THOC2: variants seen among roughly 807,000 people sequenced by gnomAD.
THOC2 encodes THO complex subunit 2.
In THOC2, 10 loss-of-function variants were observed where a neutral mutation model predicts 128.4. The observed-to-expected ratio is 0.08, with a 90% confidence interval of 0.05 to 0.13. The LOEUF (loss-of-function observed/expected upper bound fraction) is 0.13. Ranked by LOEUF, THOC2 falls within the 10% of genes least tolerant of loss-of-function variation. The probability of loss-of-function intolerance (pLI) is 1.00; values close to 1 mark genes in which losing one functional copy is unlikely to be tolerated. For synonymous variants in THOC2, 393 were observed against 396.9 expected, an observed-to-expected ratio of 0.99 and a Z score of 0.12; for missense variants, 535 against 1,155.7, an observed-to-expected ratio of 0.46 and a Z score of 7.79.
rs143576799 is a variant in THOC2 at position 123,713,563 on chromosome X, T to C, written c.72-655A>G. Among the ~76,000 whole-genome samples, 571 of 110,204 alleles carry C rather than the reference T, an allele frequency of 5.2e-3. 3 individuals are homozygous for C. Among genetic ancestry groups the C allele is most frequent in the African/African-American group, 0.017 (510 of 30,452 alleles). ...CAGATTCTGATGAAAGAAAACACCA[T>C]GTAGGCTGGGCATGGTGGCTTACGC... On this transcript the variant is annotated intron_variant, in intron 1 of 38. Coordinates refer to ENST00000245838, the MANE Select transcript of THOC2 (RefSeq NM_001081550.2).
intron 38 of THOC2, among the ~76,000 whole-genome samples, chrX:123,609,178 G>A (rs767172133): frequency 1.5e-4 from 17 of 112,140 alleles, no homozygotes; most frequent in South Asian, 1.1e-3. Context: ...ACATGTGACA[G>A]CAAAATGCCA....
rs766947870 is a variant in THOC2 at position 123,667,289 on chromosome X, A to G, written c.1018-11T>C. The G allele has an allele frequency of 1.4e-5, 17 of 1,177,904 alleles. No individual in the cohort carries two copies. The South Asian group carries it at 2.7e-4, about 18-fold the overall frequency. ...TTGGTTATCAGGTGGCTAAAAATGA[A>G]TAGTCAAAACTAAGATACTCAGGAT... is the stretch of plus-strand genomic sequence containing the variant. On this transcript the variant is annotated splice_polypyrimidine_tract_variant and intron_variant, in intron 10 of 38. Transcript: ENST00000245838.
Position 123,627,822 on chromosome X carries a change from G to A in THOC2, c.2628C>T (p.Ile876=). The A allele has an allele frequency of 1.7e-6, 2 of 1,211,843 alleles. No individual in the cohort carries two copies. The highest frequency in any genetic ancestry group is 2.2e-6 in the Non-Finnish European group (2 of 895,502). Residue 876 remains isoleucine (I), a synonymous_variant, in exon 23 of 39, where the codon ATC becomes ATT. Coordinates refer to ENST00000245838, the MANE Select transcript of THOC2 (RefSeq NM_001081550.2). ...SLHVSKVWDD[I]SPQFYATFWS... ...AGAATGTAGCATAGAATTGAGGGCT[G>A]ATGTCATCCCAGACTTTGGAAACAT...
chrX:123,605,883 G>A (rs182679564), intron 38 of THOC2, among the ~76,000 whole-genome samples: 59 of 111,062 alleles, frequency 5.3e-4, no homozygotes, highest in Non-Finnish European at 9.2e-4. Context: ...GGCCAAGAAC[G>A]TGATGAAAAC....
In THOC2 at chrX:123,627,813, T is replaced by C. The variant is rs759496559; in HGVS notation, c.2637A>G (p.Gln879=). The C allele has an allele frequency of 6.6e-6, 8 of 1,210,034 alleles. No individual in the cohort carries two copies. Among genetic ancestry groups the C allele is most frequent in the Non-Finnish European group, 8.9e-6 (8 of 895,277 alleles). The change falls in exon 23 of 39, where the codon CAA becomes CAG. Residue 879 remains glutamine, a synonymous_variant. Transcript: ENST00000245838. ...TCAATGACCAGAATGTAGCATAGAA[T>C]TGAGGGCTGATGTCATCCCAGACTT... ...VSKVWDDISP[Q]FYATFWSLTM...
At chrX:123,724,862 G>A (rs765347650) in intron 1 of THOC2, among the ~76,000 whole-genome samples, 2 of 111,127 alleles carry the variant, frequency 1.8e-5, no homozygotes, top group Non-Finnish European at 3.8e-5. Context: ...AATATCACCT[G>A]AGCTCAGGAG....
At chrX:123,686,510 C>CA (rs780816806) in intron 8 of THOC2, 38 bp downstream of exon 8, 25 of 1,042,787 alleles carry the variant, frequency 2.4e-5, no homozygotes, top group Non-Finnish European at 3.2e-5. Flanking sequence ...ATTAAGAAAT[C>CA]AATCTCTAAA....
chrX:123,685,891 T>C (rs2049981834), intron 8 of THOC2, among the ~76,000 whole-genome samples: 1 of 111,449 alleles, frequency 9.0e-6, no homozygotes, highest in South Asian at 3.8e-4. Context: ...ATAGCCATTG[T>C]TTATAAAACA....
intron 5 of THOC2, 49 bp from the exon 6 acceptor site, chrX:123,696,891 C>T (rs773520623): frequency 2.0e-6 from 2 of 1,003,378 alleles, no homozygotes; most frequent in South Asian, 5.4e-5. Context: ...ATTGCATCCA[C>T]AATGTTAAAT....
chrX:123,702,842 A>T (rs1195150957), intron 4 of THOC2, among the ~76,000 whole-genome samples: 1 of 109,720 alleles, frequency 9.1e-6, no homozygotes, highest in Non-Finnish European at 1.9e-5. Context: ...CTAGATCTAA[A>T]ATTAGAGAAA....
chrX:123,608,379 C>T (rs1417980613), intron 38 of THOC2, among the ~76,000 whole-genome samples: 3 of 106,336 alleles, frequency 2.8e-5, no homozygotes, highest in African/African-American at 1.0e-4. Flanking sequence ...CCAGCCTGGG[C>T]GACAGAGTGA....
At chrX:123,668,419 T>C (rs765185301) in intron 9 of THOC2, 105 bp from the exon 10 acceptor site, 57 of 503,097 alleles carry the variant, frequency 1.1e-4, no homozygotes, top group Non-Finnish European at 1.6e-4. Context: ...ATAAGAAGTC[T>C]AACTTATTCG....
Position 123,684,528 on chromosome X carries a change from T to C in THOC2, c.768+2020A>G, listed in dbSNP as rs985348508. On this transcript the variant is annotated intron_variant, in intron 8 of 38. Coordinates refer to ENST00000245838, the MANE Select transcript of THOC2 (RefSeq NM_001081550.2). ...CCTCCCGAGTAGTGGGGATTACAGG[T>C]GCCCGCCACCACGCCTGGCTAATTT... Among the ~76,000 whole-genome samples, 4 of 111,274 alleles carry C rather than the reference T, an allele frequency of 3.6e-5. No homozygotes were observed. The East Asian group carries it at 1.1e-3, about 31-fold the overall frequency.
Position 123,644,839 on chromosome X carries a change from C to T in THOC2, c.1499G>A (p.Cys500Tyr). ...VLLPSLSLMDCNACMSEELWG... is the reference protein window; with the variant it reads ...VLLPSLSLMDYNACMSEELWG... The stretch of plus-strand genomic sequence containing the variant: ...TAGTTCCTCAGACATACAAGCATTG[C>T]AGTCCATCAAAGAAAGAGATGGAAG... The change falls in exon 14 of 39, where the codon TGC becomes TAC. Residue 500 changes from cysteine to tyrosine, a missense_variant. Around this residue, in one of 9 missense-constraint regions of THOC2, gnomAD observed 197 missense variants for 313.4 expected, o/e 0.63. Transcript: ENST00000245838. 1.7e-6 allele frequency: 2 copies of T among 1,201,397 alleles called. No homozygotes were observed. The highest frequency in any genetic ancestry group is 2.3e-6 in the Non-Finnish European group (2 of 886,488).
chrX:123,673,642 A>G (rs1204624866), intron 8 of THOC2, among the ~76,000 whole-genome samples: 1 of 111,919 alleles, frequency 8.9e-6, no homozygotes, highest in Non-Finnish European at 1.9e-5. Flanking sequence ...ACTTCCACGG[A>G]ATCATATGGA....
At chrX:123,717,040 C>G (rs1344959521) in intron 1 of THOC2, among the ~76,000 whole-genome samples, 1 of 111,914 alleles carries the variant, frequency 8.9e-6, no homozygotes, top group African/African-American at 3.2e-5. Context: ...GATCAGGTAC[C>G]TGCCCACTCT....
intron 7 of THOC2, among the ~76,000 whole-genome samples, chrX:123,689,193 T>C (rs2050123995): frequency 8.9e-6 from 1 of 112,393 alleles, no homozygotes; most frequent in Admixed American, 9.4e-5. Flanking sequence ...AAGGCTATTC[T>C]ATCAGTGACC....
intron 12 of THOC2, among the ~76,000 whole-genome samples, chrX:123,651,032 T>C (rs1301602746): frequency 8.9e-6 from 1 of 111,835 alleles, no homozygotes; most frequent in Non-Finnish European, 1.9e-5. Context: ...ATCACACTTA[T>C]TCTAAAATTG....
chrX:123,635,895 A>G (rs184709692), intron 19 of THOC2, among the ~76,000 whole-genome samples, 184 bp downstream of exon 19: 1 of 112,169 alleles, frequency 8.9e-6, no homozygotes. Context: ...TCATGAAAAA[A>G]GGTGTCTATT....
Sources: allele counts gnomAD v4.1 joint callset (sites outside exome capture counted in the v4.1 genomes callset), GRCh38; gene constraint gnomAD v4.1.1; regional missense constraint gnomAD v4.1.1; transcripts MANE v1.5; gene names NCBI Gene and HGNC (gene_info 2026-07-23, HGNC 2026-07-21).